CCDC152: variants seen among roughly 807,000 people sequenced by gnomAD.
The protein encoded by CCDC152 is coiled-coil domain-containing protein 152.
CCDC152 carries 37 observed loss-of-function variants against 38.1 expected under a neutral mutation model. That is an observed-to-expected ratio of 0.97 (90% CI 0.75 to 1.28). CCDC152 has a LOEUF of 1.28. CCDC152 is among the 50% of genes most tolerant of loss of function. The probability of loss-of-function intolerance (pLI) is 0.00; values close to 1 mark genes in which losing one functional copy is unlikely to be tolerated. For missense variants in CCDC152, 259 were observed against 292.1 expected, an observed-to-expected ratio of 0.89 and a Z score of 0.83; for synonymous variants, 83 against 87.1, an observed-to-expected ratio of 0.95 and a Z score of 0.26.
At chr5:42,795,321 G>T (rs1414248902) in intron 6 of CCDC152, among the ~76,000 whole-genome samples, 1 of 152,164 alleles carries the variant, frequency 6.6e-6, no homozygotes, top group Non-Finnish European at 1.5e-5. Context: ...GATATTTTGT[G>T]ATGTAAAGTG....
At chr5:42,758,914 G>C (rs1047731183) in intron 1 of CCDC152, among the ~76,000 whole-genome samples, 29 of 152,252 alleles carry the variant, frequency 1.9e-4, no homozygotes, top group African/African-American at 7.0e-4. Context: ...AAGTCAACTG[G>C]GGTGTGGGTG....
At position 42,769,621 on chromosome 5, in the gene CCDC152, TAAA is replaced by T. The variant is rs1231104003; in HGVS notation, c.220_222del (p.Lys74del). 6.7e-7 allele frequency: 1 copy of T among 1,490,992 alleles called. No individual in the cohort carries two copies. The highest frequency in any genetic ancestry group is 2.6e-5 in the East Asian group (1 of 38,338). The allele number at this position is 1,490,992 out of a possible 1,614,324, so 92.4% of individuals were successfully genotyped here. ...GAATGTGCTACTCTTCATAATATAA[TAAA>T]AGGGCTACAACAGACCATTGAATAT... On this transcript the variant is annotated inframe_deletion, in exon 4 of 9. Transcript: ENST00000361970.
At chr5:42,790,392 A>G (rs966665659) in intron 6 of CCDC152, among the ~76,000 whole-genome samples, 4 of 152,230 alleles carry the variant, frequency 2.6e-5, no homozygotes, top group East Asian at 3.8e-4. Flanking sequence ...AAAATTATCA[A>G]TGCCATGTTG....
chr5:42,761,283 C>T (rs1163579701), intron 2 of CCDC152, among the ~76,000 whole-genome samples: 1 of 152,202 alleles, frequency 6.6e-6, no homozygotes, highest in Admixed American at 6.5e-5. Flanking sequence ...AAATAAATTA[C>T]AGCATATTCA....
chr5:42,769,560 A>C, intron 3 of CCDC152, 37 bp from the exon 4 acceptor site: 2 of 1,433,256 alleles, frequency 1.4e-6, no homozygotes, highest in Non-Finnish European at 1.8e-6. Context: ...AAATGAAAGC[A>C]AGGGATTTTA....
chr5:42,770,759 CTATT>C (rs1390608485), intron 4 of CCDC152, among the ~76,000 whole-genome samples: 1 of 152,084 alleles, frequency 6.6e-6, no homozygotes, highest in African/African-American at 2.4e-5. Context: ...TTCTTCTAAT[CTATT>C]TATCTGTGTC....
chr5:42,784,498 C>G (rs1385581644), intron 6 of CCDC152, among the ~76,000 whole-genome samples: 1 of 152,096 alleles, frequency 6.6e-6, no homozygotes, highest in East Asian at 1.9e-4. Flanking sequence ...TTTGTAGATT[C>G]TGAATATTAG....
Position 42,799,830 on chromosome 5 carries a change from G to A in CCDC152, c.*49G>A, listed in dbSNP as rs988462134. The A allele has an allele frequency of 2.6e-6, 4 of 1,539,444 alleles. No homozygotes were observed. The highest frequency in any genetic ancestry group is 1.4e-5 in the African/African-American group (1 of 72,326). On this transcript the variant is annotated 3_prime_UTR_variant, in exon 9 of 9. Transcript: ENST00000361970. ...GGTATTTATTTAAAAGCAATCGAAA[G>A]TTTCACTTCTGTTTTCAATATATGC...
Position 42,762,509 on chromosome 5 carries a change from T to C in CCDC152, c.154T>C (p.Leu52=). 3 of 1,541,188 alleles carry C rather than the reference T, an allele frequency of 1.9e-6. No individual in the cohort carries two copies. The highest frequency in any genetic ancestry group is 2.4e-5 in the South Asian group (2 of 83,754). Reference sequence around the variant, plus strand: ...TCAGTTGGAAAAAAGTAATTGCCTATTAAAAGTAATGCAAGCAAAGGAGGT... The same window carrying C: ...TCAGTTGGAAAAAAGTAATTGCCTACTAAAAGTAATGCAAGCAAAGGAGGT... ...DIQLEKSNCL[L]KVMQAKEVSI... The change falls in exon 3 of 9, where the codon TTA becomes CTA. Residue 52 remains leucine, a synonymous_variant. Transcript: ENST00000361970.
Position 42,779,512 on chromosome 5 carries a change from C to A in CCDC152, c.317C>A (p.Ser106Tyr). Residue 106 changes from serine to tyrosine, a missense_variant, in exon 5 of 9, where the codon TCT becomes TAT. Transcript: ENST00000361970. ...GATCTTATAAAAGAGAAGTTAAAGT[C>A]TCATGAACAGGTGAGTTTATGTATC... Reference protein sequence around the residue: ...SADLIKEKLKSHEQEYKNNIA... With the variant: ...SADLIKEKLKYHEQEYKNNIA... 1 of 1,506,874 alleles carries A rather than the reference C, an allele frequency of 6.6e-7. No homozygotes were observed. Among genetic ancestry groups the A allele is most frequent in the South Asian group, 1.2e-5 (1 of 82,998 alleles). 93.3% of individuals were successfully genotyped at this position (1,506,874 alleles called of 1,614,324 possible). A position where few individuals can be genotyped will look rare whatever the true frequency, so the allele number is the denominator to read the frequency against.
At chr5:42,784,683 G>A (rs1197175515) in intron 6 of CCDC152, among the ~76,000 whole-genome samples, 3 of 152,242 alleles carry the variant, frequency 2.0e-5, no homozygotes, top group African/African-American at 7.2e-5. Flanking sequence ...CTAGGCCAAT[G>A]TCCAGAAGAG....
At chr5:42,763,900 A>G (rs1189352685) in intron 3 of CCDC152, among the ~76,000 whole-genome samples, 1 of 152,224 alleles carries the variant, frequency 6.6e-6, no homozygotes, top group Admixed American at 6.5e-5. Context: ...TTCTAAGTGT[A>G]TGACACAGCA....
At chr5:42,792,920 A>G (rs916118930) in intron 6 of CCDC152, among the ~76,000 whole-genome samples, 3 of 152,154 alleles carry the variant, frequency 2.0e-5, no homozygotes, top group Non-Finnish European at 4.4e-5. Flanking sequence ...CACATAACAC[A>G]CCATCTGACC....
chr5:42,793,967 T>G (rs569370064), intron 6 of CCDC152, among the ~76,000 whole-genome samples: 13 of 152,324 alleles, frequency 8.5e-5, no homozygotes, highest in African/African-American at 3.1e-4. Context: ...GATGGAAATG[T>G]AAGTGCTAAA....
At chr5:42,794,062 A>T (rs1406880019) in intron 6 of CCDC152, among the ~76,000 whole-genome samples, 1 of 152,250 alleles carries the variant, frequency 6.6e-6, no homozygotes, top group Non-Finnish European at 1.5e-5. Context: ...AAGCTGGAGA[A>T]CAGGTTAGAA....
intron 4 of CCDC152, among the ~76,000 whole-genome samples, chr5:42,774,884 C>T (rs904446868): frequency 6.6e-6 from 1 of 152,016 alleles, no homozygotes; most frequent in Non-Finnish European, 1.5e-5. Flanking sequence ...AGGCTCTAAA[C>T]AGTGTAACAC....
Position 42,765,064 on chromosome 5 carries a change from C to T in CCDC152, c.193+2516C>T, listed in dbSNP as rs537393434. On this transcript the variant is annotated intron_variant, in intron 3 of 8. Transcript: ENST00000361970. ...AGAAAACTATTAGAATAAACAACTT[C>T]AGTAGAGTTGCAGAATACAAAATCA... 3.5e-4 allele frequency among the ~76,000 whole-genome samples: 54 copies of T among 152,278 alleles called. 2 individuals carry two copies. The South Asian group carries it at 0.011, about 31-fold the overall frequency.
chr5:42,801,348 A>T lies in CCDC152; in HGVS notation c.*1567A>T, dbSNP rs771904801. On this transcript the variant is annotated 3_prime_UTR_variant, in exon 9 of 9. Coordinates refer to ENST00000361970, the MANE Select transcript of CCDC152 (RefSeq NM_001134848.2). ...TTTGAGAGTCTGGAACAAATTTATA[A>T]ATCACTTTTTAACAAGCTTATAGAG... 1.3e-6 allele frequency: 2 copies of T among 1,572,144 alleles called. No homozygotes were observed. The highest frequency in any genetic ancestry group is 2.3e-5 in the South Asian group (2 of 86,110).
chr5:42,783,377 A>T, intron 5 of CCDC152, 97 bp from the exon 6 acceptor site: 2 of 415,580 alleles, frequency 4.8e-6, no homozygotes, highest in Non-Finnish European at 7.0e-6. Flanking sequence ...TAAAGTATTT[A>T]AAAAGTAATA....
Sources: gnomAD v4.1 joint callset for allele counts (sites outside exome capture counted in the v4.1 genomes callset) on GRCh38, gnomAD v4.1.1 for gene constraint, MANE v1.5 for transcripts, NCBI Gene and HGNC (gene_info 2026-07-23, HGNC 2026-07-21) for gene names.